The following FAF1 variants were observed in gnomAD, a reference collection of about 807,000 sequenced individuals.
FAF1 encodes Fas associated factor 1, also known as FAS-associated factor 1.
FAF1 carries 25 observed loss-of-function variants against 92.5 expected under a neutral mutation model. The ratio of observed to expected loss-of-function variants is 0.27; its 90% CI spans 0.20 to 0.38. The LOEUF is 0.38. Ranked by LOEUF, FAF1 falls within the 10% of genes least tolerant of loss-of-function variation. The pLI is 1.00. For missense variants in FAF1, 636 were observed against 793.3 expected (o/e 0.80, Z 2.38); for synonymous variants, 234 against 273.2 (o/e 0.86, Z 1.42).
chr1:50,519,113 C>T (rs950972630), intron 15 of FAF1, among the ~76,000 whole-genome samples: 5 of 151,914 alleles, frequency 3.3e-5, no homozygotes, highest in Non-Finnish European at 5.9e-5. Context: ...GCGAGAATCA[C>T]GAGGTCAGGT....
At chr1:50,667,605 A>G (rs1488179006) in intron 7 of FAF1, among the ~76,000 whole-genome samples, 1 of 152,190 alleles carries the variant, frequency 6.6e-6, no homozygotes, top group Non-Finnish European at 1.5e-5. Context: ...ATAGAATTGC[A>G]CTTCCTTTTT....
chr1:50,692,154 T>C (rs34941566), intron 7 of FAF1, among the ~76,000 whole-genome samples: 8,698 of 151,882 alleles, frequency 0.057, 355 homozygotes, highest in Non-Finnish European at 0.084. Flanking sequence ...AGTTCGAGCA[T>C]GCAGTGAGCC....
chr1:50,663,415 ATTTTT>A (rs1188471030), intron 7 of FAF1, among the ~76,000 whole-genome samples: 1 of 135,908 alleles, frequency 7.4e-6, no homozygotes. Flanking sequence ...TTTAATTTCA[ATTTTT>A]TTTTTTTTTT....
At chr1:50,946,745 C>T (rs1645174843) in intron 1 of FAF1, among the ~76,000 whole-genome samples, 1 of 152,226 alleles carries the variant, frequency 6.6e-6, no homozygotes, top group African/African-American at 2.4e-5. Flanking sequence ...TGTTCTTGTG[C>T]TGGTTCTCCA....
chr1:50,891,861 G>A (rs1042629302), intron 1 of FAF1, among the ~76,000 whole-genome samples: 24 of 152,202 alleles, frequency 1.6e-4, no homozygotes, highest in African/African-American at 4.1e-4. Context: ...TCTGTGCTAG[G>A]AGAACCAATA....
rs544907739 is a variant in FAF1 at position 50,776,645 on chromosome 1, T to C, written c.367+11355A>G. On this transcript the variant is annotated intron_variant, in intron 4 of 18. Transcript: ENST00000396153. The stretch of plus-strand genomic sequence containing the variant: ...GCAACAAGATGGCAGTTAAAATTTA[T>C]TTAATATATAATTGCATTCCAGTTT... 2.6e-5 allele frequency among the ~76,000 whole-genome samples: 4 copies of C among 152,162 alleles called. No individual in the cohort carries two copies. The South Asian group carries it at 8.3e-4, about 32-fold the overall frequency.
chr1:50,451,012 A>C (rs1646287614), intron 18 of FAF1, among the ~76,000 whole-genome samples: 1 of 152,158 alleles, frequency 6.6e-6, no homozygotes, highest in Non-Finnish European at 1.5e-5. Context: ...GACCACAAGA[A>C]AGAAGTGGCA....
At chr1:50,619,318 G>A (rs1488330874) in intron 8 of FAF1, among the ~76,000 whole-genome samples, 1 of 152,156 alleles carries the variant, frequency 6.6e-6, no homozygotes, top group Admixed American at 6.5e-5. Context: ...TTGTATAATT[G>A]CTTTTCAGTG....
chr1:50,852,102 G>GA (rs1342073940), intron 2 of FAF1, among the ~76,000 whole-genome samples: 1 of 151,564 alleles, frequency 6.6e-6, no homozygotes, highest in Non-Finnish European at 1.5e-5. Flanking sequence ...GACATGCTTA[G>GA]AAAAAAAATG....
At chr1:50,822,654 T>C (rs763501054) in intron 2 of FAF1, among the ~76,000 whole-genome samples, 8 of 152,106 alleles carry the variant, frequency 5.3e-5, no homozygotes, top group East Asian at 1.9e-4. Flanking sequence ...GAAAGGAAGA[T>C]TGTCAACTAA....
At position 50,620,802 on chromosome 1, in the gene FAF1, T is replaced by G. The variant is rs1050720753; in HGVS notation, c.745-24586A>C. Among the ~76,000 whole-genome samples, 5 of 152,384 alleles carry G rather than the reference T, an allele frequency of 3.3e-5. No individual in the cohort carries two copies. In the East Asian group the frequency reaches 9.6e-4, roughly 29 times the overall value. On this transcript the variant is annotated intron_variant, in intron 8 of 18. Transcript: ENST00000396153. The stretch of plus-strand genomic sequence containing the variant: ...GTAGCTAGGCAAATATCCAGCCACA[T>G]AGATCTTTTGTACTTTCTTGCATTC...
intron 2 of FAF1, among the ~76,000 whole-genome samples, chr1:50,845,985 G>A (rs184511407): frequency 5.3e-5 from 8 of 152,016 alleles, no homozygotes; most frequent in East Asian, 3.9e-4. Flanking sequence ...TTAGCTGGGC[G>A]TGGTGGGGCA....
rs111609856 is a variant in FAF1, at chr1:50,618,517, C to T, written c.745-22301G>A. Among the ~76,000 whole-genome samples the T allele has an allele frequency of 6.5e-3, 972 of 148,612 alleles. 7 individuals carry two copies. The highest frequency in any genetic ancestry group is 0.01 in the Non-Finnish European group (695 of 67,302). On this transcript the variant is annotated intron_variant, in intron 8 of 18. Coordinates refer to ENST00000396153, the MANE Select transcript of FAF1 (RefSeq NM_007051.3). ...ACCTCAGGTGATCAGGCTGCCTCGG[C>T]CTCCCAAAGTGCTGGTATTACAGGC...
At chr1:50,606,688 A>G (rs1652440027) in intron 8 of FAF1, among the ~76,000 whole-genome samples, 1 of 151,636 alleles carries the variant, frequency 6.6e-6, no homozygotes, top group African/African-American at 2.4e-5. Context: ...TTTAGTAGAG[A>G]CGGAGTTTCT....
In FAF1 at chr1:50,437,636, C is replaced by G. The variant is rs1028305968; in HGVS notation, c.*3804G>C. 1 of 152,156 alleles carries G rather than the reference C, an allele frequency of 6.6e-6. No individual in the cohort carries two copies. Among genetic ancestry groups the G allele is most frequent in the African/African-American group, 2.4e-5 (1 of 41,422 alleles). The allele number at this position is 152,156 out of a possible 1,614,324, so 9.4% of individuals were successfully genotyped here. A position where few individuals can be genotyped will look rare whatever the true frequency, so the allele number is the denominator to read the frequency against. Reference sequence around the variant, plus strand: ...AGGGCTGGTCTTGAACTTCTGGCCTCAAGCAATCCTCCTGCCTTTGCCTCC... The same window carrying G: ...AGGGCTGGTCTTGAACTTCTGGCCTGAAGCAATCCTCCTGCCTTTGCCTCC... On this transcript the variant is annotated 3_prime_UTR_variant, in exon 19 of 19. Transcript: ENST00000396153.
intron 7 of FAF1, among the ~76,000 whole-genome samples, chr1:50,704,193 A>G (rs1234197041): frequency 9.9e-5 from 15 of 152,162 alleles, no homozygotes; most frequent in Admixed American, 7.9e-4. Context: ...AACACTGAAT[A>G]GCATTTTTAG....
At chr1:50,765,243 A>G (rs1660517659) in intron 4 of FAF1, among the ~76,000 whole-genome samples, 1 of 152,368 alleles carries the variant, frequency 6.6e-6, no homozygotes, top group African/African-American at 2.4e-5. Context: ...CTACACTCCA[A>G]TAAACTGAAA....
At chr1:50,607,213 T>A (rs1288969306) in intron 8 of FAF1, among the ~76,000 whole-genome samples, 2 of 152,172 alleles carry the variant, frequency 1.3e-5, no homozygotes, top group East Asian at 3.9e-4. Flanking sequence ...TATGACTCCT[T>A]TCTGCCATAA....
chr1:50,819,119 G>A (rs886263102), intron 2 of FAF1, among the ~76,000 whole-genome samples: 5 of 152,130 alleles, frequency 3.3e-5, no homozygotes, highest in East Asian at 3.9e-4. Context: ...TGCTCAACCC[G>A]TATAGAGTTC....
Sources: gnomAD v4.1 joint callset for allele counts (sites outside exome capture counted in the v4.1 genomes callset) on GRCh38, gnomAD v4.1.1 for gene constraint, MANE v1.5 for transcripts, NCBI Gene and HGNC (gene_info 2026-07-23, HGNC 2026-07-21) for gene names.